Variants in MYO1F observed in about 807,000 individuals in gnomAD.
MYO1F encodes the protein unconventional myosin-If.
A neutral mutation model predicts 146.6 loss-of-function variants in MYO1F; 60 were observed. The ratio of observed to expected loss-of-function variants is 0.41; its 90% CI spans 0.33 to 0.51. The LOEUF (loss-of-function observed/expected upper bound fraction) is 0.51, where lower values mean the gene tolerates loss of function less well. Ranked by LOEUF, MYO1F falls within the 20% of genes least tolerant of loss-of-function variation. The pLI is 0.25. For missense variants in MYO1F, 1,274 were observed against 1,534.3 expected, an observed-to-expected ratio of 0.83 and a Z score of 2.83; for synonymous variants, 602 against 602.1, an observed-to-expected ratio of 1.00 and a Z score of 0.00.
chr19:8,543,986 GGTGGTGGT>G (rs1183772483), intron 14 of MYO1F: 38 of 392,820 alleles, frequency 9.7e-5, no homozygotes, highest in East Asian at 3.7e-4. Flanking sequence ...TGCTGGTGCT[GGTGGTGGT>G]GCTGGTGGTG....
intron 10 of MYO1F, 77 bp from the exon 11 acceptor site, chr19:8,548,394 A>G: frequency 7.3e-7 from 1 of 1,363,816 alleles, no homozygotes; most frequent in Non-Finnish European, 1.0e-6. Flanking sequence ...CCTTAGACAC[A>G]CGCCTAGCCA....
intron 1 of MYO1F, among the ~76,000 whole-genome samples, chr19:8,561,595 CTCTTCT>C (rs1229474687): frequency 2.0e-5 from 2 of 102,132 alleles, no homozygotes; most frequent in African/African-American, 1.0e-4. Flanking sequence ...CTCCCTCCCT[CTCTTCT>C]CTTTTTTCTT....
chr19:8,556,792 C>G (rs1279372456), intron 1 of MYO1F, among the ~76,000 whole-genome samples: 1 of 148,902 alleles, frequency 6.7e-6, no homozygotes, highest in Admixed American at 7.0e-5. Context: ...GAGGCTGAGG[C>G]AGGAGAATCG....
intron 1 of MYO1F, among the ~76,000 whole-genome samples, chr19:8,571,123 G>T (rs1167160817): frequency 2.6e-5 from 4 of 152,232 alleles, no homozygotes; most frequent in African/African-American, 9.6e-5. Context: ...ATGAGCAAGA[G>T]CTCTAGATTG....
intron 25 of MYO1F, among the ~76,000 whole-genome samples, chr19:8,524,956 C>T (rs371384589): frequency 1.2e-4 from 19 of 152,024 alleles, no homozygotes; most frequent in East Asian, 1.9e-4. Flanking sequence ...CCAGCACTTT[C>T]GGAGGCCGAG....
intron 2 of MYO1F, chr19:8,555,345 G>A (rs1973799216): frequency 3.3e-6 from 1 of 303,358 alleles, no homozygotes; most frequent in Admixed American, 4.8e-5. Flanking sequence ...ACTCCAGCCT[G>A]GAACCTGGGC....
chr19:8,574,298 A>G (rs2042163306), intron 1 of MYO1F, among the ~76,000 whole-genome samples: 1 of 152,130 alleles, frequency 6.6e-6, no homozygotes, highest in South Asian at 2.1e-4. Context: ...CTCCTCCCCA[A>G]TTACCACAAT....
intron 14 of MYO1F, chr19:8,543,935 G>A (rs1973182283): frequency 3.4e-6 from 1 of 295,876 alleles, no homozygotes; most frequent in Non-Finnish European, 6.2e-6. Context: ...TGGTGGTGGT[G>A]GTGCTGGTGG....
chr19:8,574,387 T>C (rs530816844), intron 1 of MYO1F, among the ~76,000 whole-genome samples: 115 of 152,298 alleles, frequency 7.6e-4, no homozygotes, highest in Non-Finnish European at 1.0e-3. Context: ...ATGGATCAAG[T>C]GCATGTTATG....
At chr19:8,534,902 G>A (rs1213297626) in intron 19 of MYO1F, among the ~76,000 whole-genome samples, 1 of 150,134 alleles carries the variant, frequency 6.7e-6, no homozygotes, top group African/African-American at 2.5e-5. Flanking sequence ...TGAGATTATA[G>A]GCGTGAGCCA....
intron 1 of MYO1F, among the ~76,000 whole-genome samples, chr19:8,572,290 C>T (rs2042125395): frequency 6.6e-6 from 1 of 151,766 alleles, no homozygotes; most frequent in Non-Finnish European, 1.5e-5. Context: ...CCCTCTGAGA[C>T]AGAGTCTCGC....
Position 8,530,406 on chromosome 19 carries a change from C to T in MYO1F, c.2159-41G>A. 1 of 1,613,892 alleles carries T rather than the reference C, an allele frequency of 6.2e-7. No homozygotes were observed. The highest frequency in any genetic ancestry group is 1.3e-5 in the African/African-American group (1 of 75,042). On this transcript the variant is annotated intron_variant, in intron 20 of 27. Coordinates refer to ENST00000644032, the MANE Select transcript of MYO1F (RefSeq NM_012335.4). This position sits in a 1 kb window ranked among gnomAD's most constrained non-coding sequence, Gnocchi z 5.8. ...GTGGAGGGCAGAGCTCCTGATACAG[C>T]TCCTCCAGGTCCTTGTGCCCCCACC... is the stretch of plus-strand genomic sequence containing the variant.
intron 14 of MYO1F, among the ~76,000 whole-genome samples, chr19:8,543,915 G>A (rs1469042811): frequency 1.1e-5 from 1 of 89,578 alleles, no homozygotes; most frequent in African/African-American, 6.7e-5. Flanking sequence ...GGTGGTGGTG[G>A]TGGTGGTGGT....
chr19:8,573,017 A>G (rs912837244), intron 1 of MYO1F, among the ~76,000 whole-genome samples: 8 of 152,204 alleles, frequency 5.3e-5, no homozygotes, highest in African/African-American at 1.7e-4. Flanking sequence ...CCTTAGAAAC[A>G]ATCACTATTG....
chr19:8,544,143 G>C (rs1463801297), intron 14 of MYO1F, 154 bp downstream of exon 14: 1 of 841,992 alleles, frequency 1.2e-6, no homozygotes, highest in East Asian at 2.5e-5. Flanking sequence ...GTTAGTAGGG[G>C]GTGGATTGAG....
At chr19:8,573,539 G>A (rs992961165) in intron 1 of MYO1F, among the ~76,000 whole-genome samples, 8 of 151,532 alleles carry the variant, frequency 5.3e-5, no homozygotes, top group African/African-American at 1.7e-4. Flanking sequence ...CCACCACCAC[G>A]CTATAATAAC....
chr19:8,536,488 G>A lies in MYO1F; in HGVS notation c.1898+11C>T. The A allele has an allele frequency of 6.2e-7, 1 of 1,612,572 alleles. No homozygotes were observed. The highest frequency in any genetic ancestry group is 8.5e-7 in the Non-Finnish European group (1 of 1,179,374). On this transcript the variant is annotated intron_variant, in intron 18 of 27. Coordinates refer to ENST00000644032, the MANE Select transcript of MYO1F (RefSeq NM_012335.4). ...AGGGGATGGCGAGGGCGGGGGTGGA[G>A]GGCTCCTCACCTCTGCAGGAATTTG...
intron 12 of MYO1F, 60 bp from the exon 13 acceptor site, chr19:8,545,796 C>T (rs1477536757): frequency 6.0e-6 from 7 of 1,157,344 alleles, no homozygotes; most frequent in Admixed American, 5.1e-5. Context: ...CACCCTTCCC[C>T]CCATGTCCTC....
In MYO1F at chr19:8,553,868, TCACA is replaced by T. The variant is rs374157870; in HGVS notation, c.327-435_327-432del. Among the ~76,000 whole-genome samples the T allele has an allele frequency of 1.8e-3, 222 of 121,582 alleles. 1 individual carries two copies. The highest frequency in any genetic ancestry group is 2.7e-3 in the African/African-American group (79 of 29,214). 79.8% of individuals were successfully genotyped at this position (121,582 alleles called of 152,430 possible). A position where few individuals can be genotyped will look rare whatever the true frequency, so the allele number is the denominator to read the frequency against. Reference sequence around the variant, plus strand: ...GCCTGGGTGACAGACTGAGACTCTGTCACACACACACACACACACACACACACTC... The same window carrying T: ...GCCTGGGTGACAGACTGAGACTCTGTCACACACACACACACACACACACTC... On this transcript the variant is annotated intron_variant, in intron 4 of 27. Transcript: ENST00000644032.
Sources: gnomAD v4.1 joint callset for allele counts (sites outside exome capture counted in the v4.1 genomes callset) on GRCh38, gnomAD v4.1.1 for gene constraint, Gnocchi (gnomAD v3.1) non-coding constraint, MANE v1.5 for transcripts, NCBI Gene and HGNC (gene_info 2026-07-23, HGNC 2026-07-21) for gene names.